The following TIFA variants were observed in gnomAD, a reference collection of about 807,000 sequenced individuals.
TIFA encodes TRAF interacting protein with forkhead associated domain.
For missense variants in TIFA, 186 were observed against 215.2 expected (o/e 0.86, Z 0.85); for synonymous variants, 75 against 79.2 (o/e 0.95, Z 0.28).
chr4:112,285,103 T>G (rs1727297723), intron 1 of TIFA, among the ~76,000 whole-genome samples: 2 of 151,966 alleles, frequency 1.3e-5, no homozygotes, highest in Admixed American at 6.6e-5. Flanking sequence ...CACCTTTCAA[T>G]CTGAAATCTG....
At chr4:112,279,599 C>G (rs1727185189) in intron 1 of TIFA, among the ~76,000 whole-genome samples, 1 of 152,074 alleles carries the variant, frequency 6.6e-6, no homozygotes, top group African/African-American at 2.4e-5. Flanking sequence ...CATACGAGCA[C>G]ATTTCTCCAC....
Position 112,278,011 on chromosome 4 carries a change from A to G in TIFA, c.406T>C (p.Phe136Leu), listed in dbSNP as rs151053905. The G allele has an allele frequency of 1.4e-5, 23 of 1,613,946 alleles. No individual in the cohort carries two copies. In the African/African-American group the frequency reaches 1.9e-4, roughly 13 times the overall value. The change falls in exon 2 of 2, where the codon TTT becomes CTT. Residue 136 changes from phenylalanine (F) to leucine (L), a missense_variant. Physicochemically the swap from Phe to Leu is conservative, Grantham distance 22. Transcript: ENST00000361717. ...MEKEDGESLE[F>L]FETQFILSPR... ...GATAAAATAAATTGAGTCTCAAAAA[A>G]TTCCAATGACTCGCCATCTTCCTTC...
rs1173471146 is a variant in TIFA, at chr4:112,275,564, G to C, written c.*2298C>G. The C allele has an allele frequency of 6.6e-6, 1 of 152,014 alleles. No individual in the cohort carries two copies. The highest frequency in any genetic ancestry group is 1.5e-5 in the Non-Finnish European group (1 of 68,000). 9.4% of individuals were successfully genotyped at this position (152,014 alleles called of 1,614,324 possible). A position where few individuals can be genotyped will look rare whatever the true frequency, so the allele number is the denominator to read the frequency against. On this transcript the variant is annotated 3_prime_UTR_variant, in exon 2 of 2. Transcript: ENST00000361717. The stretch of plus-strand genomic sequence containing the variant: ...CTATGGAAAGTGTTTCTATTCTTTG[G>C]AGAACAATATAAACTTTTAGCAACC...
chr4:112,279,865 C>T (rs1727191907), intron 1 of TIFA, among the ~76,000 whole-genome samples: 1 of 152,084 alleles, frequency 6.6e-6, no homozygotes, highest in South Asian at 2.1e-4. Flanking sequence ...CGGAGTTTTG[C>T]CATGTTAGCC....
At chr4:112,284,618 C>T (rs1727287291) in intron 1 of TIFA, among the ~76,000 whole-genome samples, 1 of 151,982 alleles carries the variant, frequency 6.6e-6, no homozygotes, top group Non-Finnish European at 1.5e-5. Flanking sequence ...CCCTCGCCTC[C>T]CCAGTTCCCC....
At chr4:112,280,540 G>C (rs1211013127) in intron 1 of TIFA, among the ~76,000 whole-genome samples, 3 of 151,722 alleles carry the variant, frequency 2.0e-5, no homozygotes, top group Non-Finnish European at 4.4e-5. Context: ...AGTAGAGACA[G>C]GGTTTTACCA....
In TIFA at chr4:112,277,695, T is replaced by TCATTAAAA; in HGVS notation, c.*166_*167insTTTTAATG. ...TCCAGAATACAACAGGTGACTAAGT[T>TCATTAAAA]AATGACTAACACAATTTACAGACTT... On this transcript the variant is annotated 3_prime_UTR_variant, in exon 2 of 2. Transcript: ENST00000361717. The TCATTAAAA allele has an allele frequency of 1.6e-5, 8 of 510,788 alleles. No homozygotes were observed. The highest frequency in any genetic ancestry group is 2.4e-5 in the Non-Finnish European group (8 of 329,682). The allele number at this position is 510,788 out of a possible 1,614,324, so 31.6% of individuals were successfully genotyped here.
intron 1 of TIFA, chr4:112,285,387 A>T (rs2110508431): frequency 6.6e-6 from 1 of 152,288 alleles, no homozygotes; most frequent in South Asian, 2.1e-4. Flanking sequence ...GTACAGAGAA[A>T]ACACACCCCC....
chr4:112,284,543 G>A (rs1727284822), intron 1 of TIFA, among the ~76,000 whole-genome samples: 1 of 152,120 alleles, frequency 6.6e-6, no homozygotes, highest in Admixed American at 6.6e-5. Flanking sequence ...TTTAAAACAG[G>A]ATTGACCAAA....
At chr4:112,279,198 T>G (rs1433709894) in intron 1 of TIFA, among the ~76,000 whole-genome samples, 2 of 152,218 alleles carry the variant, frequency 1.3e-5, no homozygotes, top group Non-Finnish European at 2.9e-5. Context: ...TAACTACAAA[T>G]AGCACAGTCC....
chr4:112,274,846 T>C lies in TIFA; in HGVS notation c.*3016A>G, dbSNP rs540513656. On this transcript the variant is annotated 3_prime_UTR_variant, in exon 2 of 2. Transcript: ENST00000361717. The stretch of plus-strand genomic sequence containing the variant: ...CTTTTAAGTCAGTTACTGCATTAGA[T>C]AGTAGGAACAGAATTCTCTAGAAAA... The C allele has an allele frequency of 6.6e-6, 1 of 152,298 alleles. No individual in the cohort carries two copies. Among genetic ancestry groups the C allele is most frequent in the South Asian group, 2.1e-4 (1 of 4,832 alleles). The allele number at this position is 152,298 out of a possible 1,614,324, so 9.4% of individuals were successfully genotyped here. A position where few individuals can be genotyped will look rare whatever the true frequency, so the allele number is the denominator to read the frequency against.
intron 1 of TIFA, among the ~76,000 whole-genome samples, chr4:112,282,553 T>A (rs901424795): frequency 2.0e-5 from 3 of 152,200 alleles, no homozygotes; most frequent in Non-Finnish European, 4.4e-5. Context: ...AGGGCAAGTA[T>A]ATCTAACTAT....
At chr4:112,284,651 G>T (rs1037080374) in intron 1 of TIFA, among the ~76,000 whole-genome samples, 3 of 150,760 alleles carry the variant, frequency 2.0e-5, no homozygotes, top group Admixed American at 6.6e-5. Flanking sequence ...TCAAGAAAGA[G>T]TATGTCTTTG....
chr4:112,274,633 C>T lies in TIFA; in HGVS notation c.*3229G>A, dbSNP rs1439539400. 5 of 152,114 alleles carry T rather than the reference C, an allele frequency of 3.3e-5. No homozygotes were observed. Among genetic ancestry groups the T allele is most frequent in the East Asian group, 1.9e-4 (1 of 5,194 alleles). 9.4% of individuals were successfully genotyped at this position (152,114 alleles called of 1,614,324 possible). On this transcript the variant is annotated 3_prime_UTR_variant, in exon 2 of 2. Coordinates refer to ENST00000361717, the MANE Select transcript of TIFA (RefSeq NM_052864.3). The stretch of plus-strand genomic sequence containing the variant: ...AACATAAAACCATCCACCACATATA[C>T]ACACACACAAAGTTAACAGTAGTTC...
chr4:112,282,108 G>A (rs1256079931), intron 1 of TIFA, among the ~76,000 whole-genome samples: 1 of 152,170 alleles, frequency 6.6e-6, no homozygotes, highest in Non-Finnish European at 1.5e-5. Flanking sequence ...TAGTGAATAA[G>A]TATCACAAGA....
chr4:112,279,086 A>G (rs1488496499), intron 1 of TIFA, among the ~76,000 whole-genome samples: 1 of 152,250 alleles, frequency 6.6e-6, no homozygotes, highest in Non-Finnish European at 1.5e-5. Context: ...TTTTAAGAAT[A>G]TAAGTCTCCA....
chr4:112,277,595 C>T lies in TIFA; in HGVS notation c.*267G>A, dbSNP rs1042285228. Reference sequence around the variant, plus strand: ...ATATAACCTTATTTTGAGAACACGACTTCATCTCAAAGGATACTTTTTGTA... The same window carrying T: ...ATATAACCTTATTTTGAGAACACGATTTCATCTCAAAGGATACTTTTTGTA... On this transcript the variant is annotated 3_prime_UTR_variant, in exon 2 of 2. Coordinates refer to ENST00000361717, the MANE Select transcript of TIFA (RefSeq NM_052864.3). 2.1e-5 allele frequency: 6 copies of T among 287,456 alleles called. No homozygotes were observed. Among genetic ancestry groups the T allele is most frequent in the Non-Finnish European group, 3.9e-5 (6 of 155,076 alleles). The allele number at this position is 287,456 out of a possible 1,614,324, so 17.8% of individuals were successfully genotyped here.
intron 1 of TIFA, among the ~76,000 whole-genome samples, chr4:112,283,343 C>T (rs138554384): frequency 1.1e-3 from 172 of 152,264 alleles, no homozygotes; most frequent in Non-Finnish European, 1.6e-3. Context: ...CACCAGGTTA[C>T]GGTGAATATC....
rs1727108861 is a variant in TIFA, at chr4:112,276,184, T to C, written c.*1678A>G. The stretch of plus-strand genomic sequence containing the variant: ...AGGTGTCCACAAGACTTTGTTCCTT[T>C]CTGGATATTTCTTTGTCTTTTCTGG... On this transcript the variant is annotated 3_prime_UTR_variant, in exon 2 of 2. Coordinates refer to ENST00000361717, the MANE Select transcript of TIFA (RefSeq NM_052864.3). The C allele has an allele frequency of 6.5e-6, 1 of 152,792 alleles. No homozygotes were observed. The highest frequency in any genetic ancestry group is 2.4e-5 in the African/African-American group (1 of 41,454). The allele number at this position is 152,792 out of a possible 1,614,324, so 9.5% of individuals were successfully genotyped here.
Sources: gnomAD v4.1 joint callset for allele counts (sites outside exome capture counted in the v4.1 genomes callset) on GRCh38, gnomAD v4.1.1 for gene constraint, MANE v1.5 for transcripts, NCBI Gene and HGNC (gene_info 2026-07-23, HGNC 2026-07-21) for gene names.